ROM1: variants seen among roughly 807,000 people sequenced by gnomAD.
ROM1 encodes the protein retinal outer segment membrane protein 1.
In ROM1, 17 loss-of-function variants were observed where a neutral mutation model predicts 23.0. That is an observed-to-expected ratio of 0.74 (90% CI 0.51 to 1.11). ROM1 has a LOEUF of 1.11. ROM1 is among the 50% of genes least tolerant of loss of function. The pLI, the probability that ROM1 is intolerant of heterozygous loss-of-function variation, is 0.00. For missense variants in ROM1, 436 were observed against 439.7 expected (o/e 0.99, Z 0.08); for synonymous variants, 200 against 206.5 (o/e 0.97, Z 0.27).
chr11:62,613,613 G>GT lies in ROM1; in HGVS notation c.332_333insT (p.Leu114AlafsTer18). The stretch of plus-strand genomic sequence containing the variant: ...CTGCTGGTGGCTGGCACGGCTGGTG[G>GT]GGGGGGGCTCCTGGTCGTCGGCCTC... On this transcript the variant is annotated frameshift_variant, in exon 1 of 3. Coordinates refer to ENST00000278833, the MANE Select transcript of ROM1 (RefSeq NM_000327.4). LOFTEE classifies it high-confidence loss of function. 1 of 1,612,102 alleles carries GT rather than the reference G, an allele frequency of 6.2e-7. No individual in the cohort carries two copies. The highest frequency in any genetic ancestry group is 2.2e-5 in the East Asian group (1 of 44,856).
chr11:62,613,884 C>T lies in ROM1; in HGVS notation c.590+13C>T, dbSNP rs139654544. ...GGGATGTGGCTGAGTGAGTGATTTG[C>T]GTCTCCCTTCCTCCTCCTCCTCCTC... On this transcript the variant is annotated intron_variant, in intron 1 of 2. Coordinates refer to ENST00000278833, the MANE Select transcript of ROM1 (RefSeq NM_000327.4). 5.7e-5 allele frequency: 92 copies of T among 1,613,500 alleles called. No individual in the cohort carries two copies. The African/African-American group carries it at 1.0e-3, about 18-fold the overall frequency.
At position 62,613,478 on chromosome 11, in the gene ROM1, C is replaced by T; in HGVS notation, c.197C>T (p.Ala66Val). ...SCQFPVLPQA[A>V]LAAGAVALGT... is the part of the protein sequence containing the mutation. ...CAGTTCCCTGTCCTGCCCCAGGCTGCCCTGGCAGCGGGCGCGGTGGCTCTG... is the reference window on the plus strand; with the variant it reads ...CAGTTCCCTGTCCTGCCCCAGGCTGTCCTGGCAGCGGGCGCGGTGGCTCTG... Residue 66 changes from alanine (A) to valine (V), a missense_variant, in exon 1 of 3, where the codon GCC (alanine) becomes GTC (valine). Coordinates refer to ENST00000278833, the MANE Select transcript of ROM1 (RefSeq NM_000327.4). 1 of 1,613,398 alleles carries T rather than the reference C, an allele frequency of 6.2e-7. No individual in the cohort carries two copies. The highest frequency in any genetic ancestry group is 8.5e-7 in the Non-Finnish European group (1 of 1,179,654).
rs1165972368 is a variant in ROM1 at position 62,613,756 on chromosome 11, G to A, written c.475G>A (p.Val159Met). 6.2e-7 allele frequency: 1 copy of A among 1,614,208 alleles called. No individual in the cohort carries two copies. Among genetic ancestry groups the A allele is most frequent in the South Asian group, 1.1e-5 (1 of 91,088 alleles). ...VPGHCQAKRL[V>M]DELQLRYHCC... ...TGGGCACTGTCAGGCCAAAAGGCTGGTGGATGAGCTGCAACTGAGGTACCA... is the reference window on the plus strand; with the variant it reads ...TGGGCACTGTCAGGCCAAAAGGCTGATGGATGAGCTGCAACTGAGGTACCA... Residue 159 changes from valine (V) to methionine (M), a missense_variant, in exon 1 of 3, where the codon GTG becomes ATG. By Grantham distance (21) the Val-to-Met change is conservative (BLOSUM62 1). Coordinates refer to ENST00000278833, the MANE Select transcript of ROM1 (RefSeq NM_000327.4).
At position 62,613,576 on chromosome 11, in the gene ROM1, G is replaced by T. The variant is rs770936600; in HGVS notation, c.295G>T (p.Val99Phe). ...NAALYPPWRG[V>F]LGPLLVAGTA... ...AGCTCTATACCCTCCCTGGCGAGGG[G>T]TCCTGGGCCCGCTGCTGGTGGCTGG... Residue 99 changes from valine to phenylalanine, a missense_variant, in exon 1 of 3, where the codon GTC (valine) becomes TTC (phenylalanine). Physicochemically the swap from Val to Phe is conservative, Grantham distance 50 (BLOSUM62 -1). Coordinates refer to ENST00000278833, the MANE Select transcript of ROM1 (RefSeq NM_000327.4). 1 of 1,613,422 alleles carries T rather than the reference G, an allele frequency of 6.2e-7. No homozygotes were observed. Among genetic ancestry groups the T allele is most frequent in the Non-Finnish European group, 8.5e-7 (1 of 1,179,736 alleles).
Position 62,614,614 on chromosome 11 carries a change from C to T in ROM1, c.838-7C>T, listed in dbSNP as rs745494478. ...TCCCTGACTCTTTCCCCTTGCTTCC[C>T]CCACAGGCTCTGGTGCTCCTTGGCC... On this transcript the variant is annotated splice_polypyrimidine_tract_variant and splice_region_variant and intron_variant, in intron 2 of 2. Transcript: ENST00000278833. 4 of 1,614,118 alleles carry T rather than the reference C, an allele frequency of 2.5e-6. No individual in the cohort carries two copies. The highest frequency in any genetic ancestry group is 1.7e-5 in the Admixed American group (1 of 60,010).
chr11:62,613,904 C>T lies in ROM1; in HGVS notation c.590+33C>T, dbSNP rs1942963750. ...ATTTGCGTCTCCCTTCCTCCTCCTCCTCCTCCCTGGACAGGCTCCCTCCTG... is the reference window on the plus strand; with the variant it reads ...ATTTGCGTCTCCCTTCCTCCTCCTCTTCCTCCCTGGACAGGCTCCCTCCTG... On this transcript the variant is annotated intron_variant, in intron 1 of 2. Transcript: ENST00000278833. 3.7e-6 allele frequency: 6 copies of T among 1,613,170 alleles called. No individual in the cohort carries two copies. In the South Asian group the frequency reaches 5.5e-5, roughly 15 times the overall value.
At position 62,613,693 on chromosome 11, in the gene ROM1, G is replaced by A; in HGVS notation, c.412G>A (p.Val138Met). The A allele has an allele frequency of 3.7e-6, 6 of 1,614,194 alleles. No individual in the cohort carries two copies. Among genetic ancestry groups the A allele is most frequent in the South Asian group, 1.1e-5 (1 of 91,086 alleles). ...SLDEALEEGL[V>M]TALAHYKDTE... ...GGATGAGGCGCTGGAGGAGGGCCTG[G>A]TGACTGCCTTGGCTCACTACAAGGA... Residue 138 changes from valine to methionine, a missense_variant, in exon 1 of 3, where the codon GTG becomes ATG. Transcript: ENST00000278833.
rs779756067 is a variant in ROM1 at position 62,613,381 on chromosome 11, G to A, written c.100G>A (p.Val34Ile). ...LSWLLALAGG[V>I]ILLCSGHLLV... ...CTGGCTGCTGGCGCTGGCTGGTGGCGTCATCCTCCTCTGTAGTGGGCACCT... is the reference window on the plus strand; with the variant it reads ...CTGGCTGCTGGCGCTGGCTGGTGGCATCATCCTCCTCTGTAGTGGGCACCT... Residue 34 changes from valine to isoleucine, a missense_variant, in exon 1 of 3, where the codon GTC becomes ATC. Coordinates refer to ENST00000278833, the MANE Select transcript of ROM1 (RefSeq NM_000327.4). The A allele has an allele frequency of 5.3e-5, 86 of 1,613,382 alleles. No individual in the cohort carries two copies. The highest frequency in any genetic ancestry group is 6.4e-5 in the Non-Finnish European group (76 of 1,179,792).
chr11:62,613,470 C>T lies in ROM1; in HGVS notation c.189C>T (p.Pro63=). 1.2e-6 allele frequency: 2 copies of T among 1,613,254 alleles called. No individual in the cohort carries two copies. The highest frequency in any genetic ancestry group is 1.1e-5 in the South Asian group (1 of 90,958). Residue 63 remains proline (P), a synonymous_variant, in exon 1 of 3, where the codon CCC becomes CCT. Transcript: ENST00000278833. ...LAPSCQFPVL[P]QAALAAGAVA... is the part of the protein sequence containing the mutation. ...CCTCCTGTCAGTTCCCTGTCCTGCC[C>T]CAGGCTGCCCTGGCAGCGGGCGCGG...
Position 62,613,487 on chromosome 11 carries a change from C to T in ROM1, c.206C>T (p.Ala69Val), listed in dbSNP as rs748940521. The T allele has an allele frequency of 4.0e-5, 65 of 1,613,356 alleles. No individual in the cohort carries two copies. The highest frequency in any genetic ancestry group is 5.3e-5 in the Non-Finnish European group (63 of 1,179,742). ...GTCCTGCCCCAGGCTGCCCTGGCAG[C>T]GGGCGCGGTGGCTCTGGGCACAGGA... The part of the protein sequence containing the change: ...FPVLPQAALA[A>V]GAVALGTGLV... Residue 69 changes from alanine (A) to valine (V), a missense_variant, in exon 1 of 3, where the codon GCG becomes GTG. Physicochemically the swap from Ala to Val is moderately conservative, Grantham distance 64. Coordinates refer to ENST00000278833, the MANE Select transcript of ROM1 (RefSeq NM_000327.4).
Position 62,614,837 on chromosome 11 carries a change from T to C in ROM1, c.1054T>C (p.Ter352GlnextTer31). 6.2e-7 allele frequency: 1 copy of C among 1,612,990 alleles called. No homozygotes were observed. Among genetic ancestry groups the C allele is most frequent in the Non-Finnish European group, 8.5e-7 (1 of 1,179,330 alleles). ...TCCCAAGGAGGATCTATCTGAGGCC[T>C]AGAGGCCTGGAGCTTGGGGTGAGGA... ...APPKEDLSEA[*>Q] Residue 352 changes from the stop codon to glutamine, a stop_lost, in exon 3 of 3, where the codon TAG (stop) becomes CAG (glutamine). Transcript: ENST00000278833.
rs746554322 is a variant in ROM1, at chr11:62,613,290, G to C, written c.9G>C (p.Pro3=). Residue 3 remains proline (P), a synonymous_variant, in exon 1 of 3, where the codon CCG becomes CCC. Coordinates refer to ENST00000278833, the MANE Select transcript of ROM1 (RefSeq NM_000327.4). MA[P]VLPLVLPLQP... ...TTGGGCAGAGATGGGAGATGGCGCCGGTGTTGCCCCTGGTGCTGCCCCTGC... is the reference window on the plus strand; with the variant it reads ...TTGGGCAGAGATGGGAGATGGCGCCCGTGTTGCCCCTGGTGCTGCCCCTGC... 1 of 1,604,548 alleles carries C rather than the reference G, an allele frequency of 6.2e-7. No homozygotes were observed. Among genetic ancestry groups the C allele is most frequent in the Non-Finnish European group, 8.5e-7 (1 of 1,177,292 alleles).
Position 62,613,262 on chromosome 11 carries a change from C to T in ROM1, c.-20C>T. 1 of 1,577,928 alleles carries T rather than the reference C, an allele frequency of 6.3e-7. No homozygotes were observed. Among genetic ancestry groups the T allele is most frequent in the Non-Finnish European group, 8.6e-7 (1 of 1,164,592 alleles). Reference sequence around the variant, plus strand: ...CTTCCATCCCTGACACCTCTGCATTCCCTTGGGCAGAGATGGGAGATGGCG... The same window carrying T: ...CTTCCATCCCTGACACCTCTGCATTTCCTTGGGCAGAGATGGGAGATGGCG... On this transcript the variant is annotated 5_prime_UTR_variant, in exon 1 of 3. Coordinates refer to ENST00000278833, the MANE Select transcript of ROM1 (RefSeq NM_000327.4).
Position 62,613,728 on chromosome 11 carries a change from G to A in ROM1, c.447G>A (p.Val149=). The A allele has an allele frequency of 1.2e-6, 2 of 1,614,216 alleles. No homozygotes were observed. Among genetic ancestry groups the A allele is most frequent in the Non-Finnish European group, 1.7e-6 (2 of 1,180,030 alleles). The change falls in exon 1 of 3, where the codon GTG becomes GTA. Residue 149 remains valine (V), a synonymous_variant. Transcript: ENST00000278833. ...TALAHYKDTE[V]PGHCQAKRLV... ...TGGCTCACTACAAGGACACAGAGGTGCCTGGGCACTGTCAGGCCAAAAGGC... is the reference window on the plus strand; with the variant it reads ...TGGCTCACTACAAGGACACAGAGGTACCTGGGCACTGTCAGGCCAAAAGGC...
At chr11:62,614,209 C>G in intron 1 of ROM1, 49 bp from the exon 2 acceptor site, 1 of 1,610,684 alleles carries the variant, frequency 6.2e-7, no homozygotes, top group Non-Finnish European at 8.5e-7. Context: ...GTCCCTCCCC[C>G]AGGCCTCTAT....
chr11:62,614,490 A>G lies in ROM1; in HGVS notation c.823A>G (p.Thr275Ala), dbSNP rs1942980492. The G allele has an allele frequency of 6.2e-7, 1 of 1,613,842 alleles. No individual in the cohort carries two copies. Among genetic ancestry groups the G allele is most frequent in the South Asian group, 1.1e-5 (1 of 91,082 alleles). Residue 275 changes from threonine to alanine, a missense_variant, in exon 2 of 3, where the codon ACC (threonine) becomes GCC (alanine). Thr to Ala is a moderately conservative substitution (Grantham distance 58). Coordinates refer to ENST00000278833, the MANE Select transcript of ROM1 (RefSeq NM_000327.4). ...CACACTGGGTAGCATGCTGGCTGTC[A>G]CCTTCCTACTGCAGGTGAGTCAGCA... ...AGTLGSMLAV[T>A]FLLQALVLLG... is the part of the protein sequence containing the mutation.
Position 62,613,538 on chromosome 11 carries a change from C to T in ROM1, c.257C>T (p.Ala86Val). The change falls in exon 1 of 3, where the codon GCA becomes GTA. Residue 86 changes from alanine (A) to valine (V), a missense_variant. Ala to Val is a moderately conservative substitution (Grantham distance 64). Coordinates refer to ENST00000278833, the MANE Select transcript of ROM1 (RefSeq NM_000327.4). ...CTAGTGGGTGTAGGAGCCAGCCGGG[C>T]AAGTCTGAATGCAGCTCTATACCCT... ...TGLVGVGASR[A>V]SLNAALYPPW... 2 of 1,613,856 alleles carry T rather than the reference C, an allele frequency of 1.2e-6. No homozygotes were observed. Among genetic ancestry groups the T allele is most frequent in the Non-Finnish European group, 1.7e-6 (2 of 1,179,882 alleles).
At position 62,614,633 on chromosome 11, in the gene ROM1, C is replaced by T; in HGVS notation, c.850C>T (p.Leu284Phe). The T allele has an allele frequency of 6.2e-7, 1 of 1,614,216 alleles. No individual in the cohort carries two copies. The highest frequency in any genetic ancestry group is 8.5e-7 in the Non-Finnish European group (1 of 1,180,038). Residue 284 changes from leucine (L) to phenylalanine (F), a missense_variant, in exon 3 of 3, where the codon CTT becomes TTT. Physicochemically the swap from Leu to Phe is conservative, Grantham distance 22. Transcript: ENST00000278833. ...GCTTCCCCCACAGGCTCTGGTGCTC[C>T]TTGGCCTGCGGTACCTGCAAACAGC... is the stretch of plus-strand genomic sequence containing the variant. ...VTFLLQALVL[L>F]GLRYLQTALE...
chr11:62,613,294 T>C lies in ROM1; in HGVS notation c.13T>C (p.Leu5=). 6.2e-7 allele frequency: 1 copy of C among 1,606,922 alleles called. No homozygotes were observed. The highest frequency in any genetic ancestry group is 8.5e-7 in the Non-Finnish European group (1 of 1,178,186). ...GCAGAGATGGGAGATGGCGCCGGTG[T>C]TGCCCCTGGTGCTGCCCCTGCAGCC... is the stretch of plus-strand genomic sequence containing the variant. MAPV[L]PLVLPLQPRI... The change falls in exon 1 of 3, where the codon TTG becomes CTG. Residue 5 remains leucine, a synonymous_variant. Transcript: ENST00000278833.
Sources: allele counts gnomAD v4.1 joint callset, GRCh38; gene constraint gnomAD v4.1.1; transcripts MANE v1.5; gene names NCBI Gene and HGNC (gene_info 2026-07-23, HGNC 2026-07-21).